The following MCTP1 variants were observed in gnomAD, a reference collection of about 807,000 sequenced individuals.
The protein encoded by MCTP1 is multiple C2 and transmembrane domain containing 1.
Under a neutral mutation model 120.6 loss-of-function variants are expected in MCTP1, and 69 were observed. The observed-to-expected ratio is 0.57, with a 90% confidence interval of 0.47 to 0.70. The LOEUF (loss-of-function observed/expected upper bound fraction) is 0.70. MCTP1 is among the 30% of genes least tolerant of loss of function. MCTP1 has a pLI of 0.00. For missense variants in MCTP1, 1,203 were observed against 1,248.8 expected, an observed-to-expected ratio of 0.96 and a Z score of 0.55; for synonymous variants, 529 against 493.1, an observed-to-expected ratio of 1.07 and a Z score of -0.96.
chr5:94,708,870 GT>G (rs772466567), intron 21 of MCTP1: 15 of 289,172 alleles, frequency 5.2e-5, no homozygotes, highest in African/African-American at 2.4e-4. Context: ...CAATATCTTG[GT>G]TTTTTTTCCC....
chr5:95,224,557 G>T (rs574570691), intron 1 of MCTP1, among the ~76,000 whole-genome samples: 2 of 149,216 alleles, frequency 1.3e-5, no homozygotes, highest in East Asian at 4.0e-4. Flanking sequence ...CCCCAGGCTG[G>T]AATGCAGTGG....
Position 95,284,679 on chromosome 5 carries a change from T to G in MCTP1, c.-104A>C. The G allele has an allele frequency of 2.0e-6, 2 of 980,664 alleles. No individual in the cohort carries two copies. Among genetic ancestry groups the G allele is most frequent in the East Asian group, 3.5e-5 (1 of 28,828 alleles). The allele number at this position is 980,664 out of a possible 1,614,324, so 60.7% of individuals were successfully genotyped here. The stretch of plus-strand genomic sequence containing the variant: ...TCCCGGGTCCCCGCGGCGCTGGCGG[T>G]GGCGGCGGCGGCGGCGGCGGGCGCA... On this transcript the variant is annotated 5_prime_UTR_variant, in exon 1 of 23. Transcript: ENST00000515393. This position sits in a 1 kb window ranked among gnomAD's most constrained non-coding sequence, Gnocchi z 5.2.
intron 17 of MCTP1, among the ~76,000 whole-genome samples, chr5:94,812,882 C>G (rs1783727874): frequency 6.6e-6 from 1 of 150,610 alleles, no homozygotes; most frequent in African/African-American, 2.4e-5. Flanking sequence ...TTCACAGACA[C>G]AACACCAAAA....
intron 1 of MCTP1, among the ~76,000 whole-genome samples, chr5:95,064,056 C>A (rs1208700776): frequency 1.3e-5 from 2 of 152,172 alleles, no homozygotes; most frequent in East Asian, 3.8e-4. Flanking sequence ...ACTAAATGCA[C>A]GAATAGTTCA....
intron 5 of MCTP1, 142 bp downstream of exon 5, chr5:94,939,942 G>A: frequency 6.3e-6 from 3 of 474,948 alleles, no homozygotes. Context: ...GCATGAATGA[G>A]CAATACCTAG....
At chr5:95,247,550 A>G (rs1258321907) in intron 1 of MCTP1, among the ~76,000 whole-genome samples, 1 of 152,178 alleles carries the variant, frequency 6.6e-6, no homozygotes, top group Non-Finnish European at 1.5e-5. Context: ...TCTCCTCTAC[A>G]TGCTGCTTTA....
chr5:95,099,754 C>G (rs1756573874), intron 1 of MCTP1, among the ~76,000 whole-genome samples: 1 of 151,178 alleles, frequency 6.6e-6, no homozygotes, highest in Non-Finnish European at 1.5e-5. Flanking sequence ...ACCATTTGAC[C>G]CAGCCATCCC....
At chr5:94,856,544 T>C (rs182454807) in intron 17 of MCTP1, among the ~76,000 whole-genome samples, 139 of 151,718 alleles carry the variant, frequency 9.2e-4, no homozygotes, top group Middle Eastern at 6.8e-3. Flanking sequence ...GGCTTGTGCA[T>C]GGCATGGACA....
intron 1 of MCTP1, among the ~76,000 whole-genome samples, chr5:95,279,267 G>C (rs1760118621): frequency 6.6e-6 from 1 of 152,158 alleles, no homozygotes; most frequent in South Asian, 2.1e-4. Context: ...GAAAGAGGAA[G>C]AAGAATGTTC....
chr5:94,786,528 G>T (rs888410655), intron 18 of MCTP1, among the ~76,000 whole-genome samples: 1 of 152,134 alleles, frequency 6.6e-6, no homozygotes, highest in African/African-American at 2.4e-5. Flanking sequence ...TAGCATAAAA[G>T]CCTGAATGAA....
intron 2 of MCTP1, among the ~76,000 whole-genome samples, chr5:94,990,885 G>A (rs1454338034): frequency 9.0e-6 from 1 of 111,684 alleles, no homozygotes; most frequent in East Asian, 2.0e-4. Context: ...GGCCCTCCTG[G>A]TTATGACCAG....
intron 1 of MCTP1, among the ~76,000 whole-genome samples, chr5:95,058,207 T>C (rs1042512401): frequency 8.5e-5 from 13 of 152,238 alleles, no homozygotes; most frequent in African/African-American, 2.9e-4. Context: ...TTATTTATGA[T>C]TGATTCTTGG....
intron 2 of MCTP1, among the ~76,000 whole-genome samples, chr5:94,958,163 T>C (rs932965744): frequency 2.6e-5 from 4 of 152,172 alleles, no homozygotes; most frequent in African/African-American, 7.2e-5. Flanking sequence ...TGCTCCTGAA[T>C]GACAAATGAG....
chr5:95,161,406 T>C (rs780766921), intron 1 of MCTP1, among the ~76,000 whole-genome samples: 7 of 151,728 alleles, frequency 4.6e-5, no homozygotes, highest in Non-Finnish European at 1.0e-4. Flanking sequence ...CTCACAGAAG[T>C]AGAGAATAGA....
intron 1 of MCTP1, among the ~76,000 whole-genome samples, chr5:95,124,592 G>A (rs566230694): frequency 3.3e-4 from 50 of 152,320 alleles, no homozygotes; most frequent in African/African-American, 1.2e-3. Context: ...CTGAAGTACA[G>A]TAGTCCTTGT....
chr5:95,274,383 A>C (rs1759643958), intron 1 of MCTP1, among the ~76,000 whole-genome samples: 1 of 152,150 alleles, frequency 6.6e-6, no homozygotes, highest in East Asian at 1.9e-4. Flanking sequence ...TTCCATCTGC[A>C]ATGGAAAAGG....
intron 1 of MCTP1, among the ~76,000 whole-genome samples, chr5:95,132,866 C>G (rs754070955): frequency 6.6e-6 from 1 of 152,200 alleles, no homozygotes; most frequent in Non-Finnish European, 1.5e-5. Flanking sequence ...AAAATGAGGG[C>G]AGGGATCATG....
intron 1 of MCTP1, among the ~76,000 whole-genome samples, chr5:95,123,535 C>T (rs1282583012): frequency 1.3e-5 from 2 of 152,304 alleles, no homozygotes; most frequent in East Asian, 3.9e-4. Flanking sequence ...AAATGTTTGT[C>T]ACCCCCTTTC....
intron 1 of MCTP1, among the ~76,000 whole-genome samples, chr5:95,234,461 C>T (rs1755313905): frequency 6.6e-6 from 1 of 152,148 alleles, no homozygotes; most frequent in Non-Finnish European, 1.5e-5. Context: ...TTTTATCCTT[C>T]CTCACCTATA....
Sources: allele counts gnomAD v4.1 joint callset (sites outside exome capture counted in the v4.1 genomes callset), GRCh38; gene constraint gnomAD v4.1.1; non-coding constraint Gnocchi (gnomAD v3.1); transcripts MANE v1.5; gene names NCBI Gene and HGNC (gene_info 2026-07-23, HGNC 2026-07-21).